The following TFDP1 variants were observed in gnomAD, a reference collection of about 807,000 sequenced individuals.
TFDP1 encodes the protein DRTF1-polypeptide 1.
Under a neutral mutation model 48.0 loss-of-function variants are expected in TFDP1, and 6 were observed. The observed-to-expected ratio is 0.13, with a 90% CI of 0.07 to 0.25. The LOEUF is 0.25. Among genes scored for constraint, TFDP1 ranks in the 10% least tolerant of loss-of-function variants. The pLI is 1.00. For missense variants in TFDP1, 335 were observed against 543.0 expected (o/e 0.62, Z 3.81); for synonymous variants, 201 against 211.6 (o/e 0.95, Z 0.44).
intron 4 of TFDP1, among the ~76,000 whole-genome samples, chr13:113,624,861 G>A (rs1278676253): frequency 7.3e-6 from 1 of 137,358 alleles, no homozygotes; most frequent in Non-Finnish European, 1.5e-5. Context: ...TCTCTCACGT[G>A]TCCTCAGGTG....
chr13:113,632,148 G>A (rs1006932081), intron 5 of TFDP1, among the ~76,000 whole-genome samples: 2 of 152,208 alleles, frequency 1.3e-5, no homozygotes, highest in Admixed American at 1.3e-4. Flanking sequence ...CTGGGGTTAC[G>A]GCCCCCGCGG....
At chr13:113,625,653 C>T (rs373367239) in intron 4 of TFDP1, among the ~76,000 whole-genome samples, 832 of 42,886 alleles carry the variant, frequency 0.019, 40 homozygotes, top group African/African-American at 0.083. Context: ...TGTCCTCAGG[C>T]GTCTCTCACG....
At chr13:113,594,429 C>G (rs2048234888) in intron 2 of TFDP1, among the ~76,000 whole-genome samples, 1 of 151,434 alleles carries the variant, frequency 6.6e-6, no homozygotes, top group Non-Finnish European at 1.5e-5. Flanking sequence ...GTGTGCTGAT[C>G]CTCAGCCCTG....
chr13:113,625,357 A>G (rs2049120606), intron 4 of TFDP1, among the ~76,000 whole-genome samples: 1 of 114,118 alleles, frequency 8.8e-6, no homozygotes, highest in Non-Finnish European at 1.7e-5. Context: ...GGCGTCTCTC[A>G]CGTGTCCTCA....
intron 4 of TFDP1, among the ~76,000 whole-genome samples, chr13:113,625,364 C>T (rs1293492772): frequency 3.2e-5 from 4 of 124,512 alleles, no homozygotes; most frequent in Admixed American, 7.9e-5. Context: ...CTCACGTGTC[C>T]TCAGGCGTCT....
intron 2 of TFDP1, among the ~76,000 whole-genome samples, chr13:113,595,673 C>T (rs541938760): frequency 5.3e-5 from 8 of 152,314 alleles, no homozygotes; most frequent in Admixed American, 3.3e-4. Flanking sequence ...ATTGCCTGTG[C>T]GCGTGCATGT....
At chr13:113,625,526 T>C (rs1594507434) in intron 4 of TFDP1, among the ~76,000 whole-genome samples, 1 of 90,436 alleles carries the variant, frequency 1.1e-5, no homozygotes, top group African/African-American at 6.3e-5. Flanking sequence ...TGTCCTCAGG[T>C]GTTTCTCAGG....
intron 11 of TFDP1, among the ~76,000 whole-genome samples, chr13:113,639,000 C>T (rs890229459): frequency 6.6e-6 from 1 of 152,124 alleles, no homozygotes; most frequent in African/African-American, 2.4e-5. Context: ...GTGTCGGGCA[C>T]GTGTAGCTTC....
At chr13:113,586,238 G>A (rs753475753) in intron 2 of TFDP1, 17 of 165,648 alleles carry the variant, frequency 1.0e-4, no homozygotes, top group Admixed American at 9.4e-4. Flanking sequence ...CTGGACGGGG[G>A]CCAGGCTCAG....
intron 10 of TFDP1, chr13:113,637,617 T>C: frequency 6.5e-7 from 1 of 1,532,742 alleles, no homozygotes; most frequent in South Asian, 1.2e-5. Context: ...CTTGCCTTTT[T>C]AGAGAAGACA....
At chr13:113,597,792 A>G (rs909177158) in intron 2 of TFDP1, among the ~76,000 whole-genome samples, 3 of 152,206 alleles carry the variant, frequency 2.0e-5, no homozygotes, top group South Asian at 4.1e-4. Flanking sequence ...CGTGTGTCCA[A>G]TGTGAGGGCT....
chr13:113,599,757 C>T (rs528008014), intron 2 of TFDP1, among the ~76,000 whole-genome samples: 16 of 152,250 alleles, frequency 1.1e-4, no homozygotes, highest in African/African-American at 3.4e-4. Context: ...CATCCAGGAC[C>T]GTGAGAGAGA....
intron 2 of TFDP1, 176 bp downstream of exon 2, chr13:113,586,025 C>T: frequency 1.6e-6 from 1 of 638,988 alleles, no homozygotes; most frequent in Non-Finnish European, 2.5e-6. Context: ...ATCTCTGAAG[C>T]TGCGGTCACC....
At chr13:113,610,953 C>CT (rs1332203426) in intron 2 of TFDP1, 43 bp from the exon 3 acceptor site, 1 of 1,598,112 alleles carries the variant, frequency 6.3e-7, no homozygotes, top group African/African-American at 1.3e-5. Context: ...TTTCGTAGCC[C>CT]TTTTAGCTGT....
At position 113,640,189 on chromosome 13, in the gene TFDP1, G is replaced by A. The variant is rs1450389995; in HGVS notation, c.1155G>A (p.Arg385=). ...SSNGSQYSGS[R]VETPVSYVGE... The stretch of plus-strand genomic sequence containing the variant: ...ATGGGTCTCAGTACAGCGGCTCCAG[G>A]GTGGAGACTCCGGTGTCCTACGTCG... The change falls in exon 12 of 12, where the codon AGG becomes AGA. Residue 385 remains arginine (R), a synonymous_variant. Transcript: ENST00000375370. 2.5e-6 allele frequency: 4 copies of A among 1,613,490 alleles called. No homozygotes were observed. The highest frequency in any genetic ancestry group is 3.4e-6 in the Non-Finnish European group (4 of 1,179,864).
At position 113,636,679 on chromosome 13, in the gene TFDP1, G is replaced by A. The variant is rs934291002; in HGVS notation, c.985G>A (p.Ala329Thr). ...LKMARSLVPK[A>T]LEPYVTEMAQ... Reference sequence around the variant, plus strand: ...AATGGCCAGAAGTCTGGTCCCCAAGGCTCTGGAGCCATACGTGACAGGTCA... The same window carrying A: ...AATGGCCAGAAGTCTGGTCCCCAAGACTCTGGAGCCATACGTGACAGGTCA... The change falls in exon 10 of 12, where the codon GCT (alanine) becomes ACT (threonine). Residue 329 changes from alanine (A) to threonine (T), a missense_variant. This residue lies in a region of TFDP1 where 204 missense variants were observed against 287.1 expected (regional missense o/e 0.71). Transcript: ENST00000375370. 1.2e-6 allele frequency: 2 copies of A among 1,614,010 alleles called. No individual in the cohort carries two copies. Among genetic ancestry groups the A allele is most frequent in the African/African-American group, 2.7e-5 (2 of 74,926 alleles).
At chr13:113,634,899 ATGTGCCTG>A (rs1410123513) in intron 8 of TFDP1, among the ~76,000 whole-genome samples, 3 of 151,254 alleles carry the variant, frequency 2.0e-5, no homozygotes, top group African/African-American at 7.3e-5. Flanking sequence ...GTGTGCGTGC[ATGTGCCTG>A]TGTGCGTGTG....
At chr13:113,621,310 A>G (rs2048989140) in intron 3 of TFDP1, among the ~76,000 whole-genome samples, 1 of 152,190 alleles carries the variant, frequency 6.6e-6, no homozygotes, top group South Asian at 2.1e-4. Context: ...ACCTGAGAGT[A>G]TCATGTATTT....
chr13:113,616,991 G>C (rs2048875121), intron 3 of TFDP1, among the ~76,000 whole-genome samples: 1 of 152,192 alleles, frequency 6.6e-6, no homozygotes, highest in African/African-American at 2.4e-5. Flanking sequence ...CTTGTTCCAG[G>C]TGTGAGATGG....
Sources: gnomAD v4.1 joint callset for allele counts (sites outside exome capture counted in the v4.1 genomes callset) on GRCh38, gnomAD v4.1.1 for gene constraint, gnomAD v4.1.1 regional missense constraint, MANE v1.5 for transcripts, NCBI Gene and HGNC (gene_info 2026-07-23, HGNC 2026-07-21) for gene names.